Variants in STKLD1 observed in about 807,000 individuals in gnomAD.
STKLD1 encodes the protein serine/threonine kinase-like domain-containing protein STKLD1.
A neutral mutation model predicts 80.4 loss-of-function variants in STKLD1; 79 were observed. That is an observed-to-expected ratio of 0.98 (90% confidence interval 0.82 to 1.19). The LOEUF (loss-of-function observed/expected upper bound fraction) is 1.19, where lower values mean the gene tolerates loss of function less well. Ranked by LOEUF, STKLD1 falls within the 50% of genes most tolerant of loss-of-function variation. The pLI is 0.00. For missense variants in STKLD1, 841 were observed against 856.0 expected (o/e 0.98, Z 0.22); for synonymous variants, 393 against 357.6 (o/e 1.10, Z -1.12).
In STKLD1 at chr9:133,398,000, C is replaced by G; in HGVS notation, c.1026C>G (p.Pro342=). 1 of 1,613,564 alleles carries G rather than the reference C, an allele frequency of 6.2e-7. No individual in the cohort carries two copies. Among genetic ancestry groups the G allele is most frequent in the Non-Finnish European group, 8.5e-7 (1 of 1,179,864 alleles). ...TCATGCAGAAATTCTCTGGCTGGCC[C>G]GAAGTCCAGCTCAGGGCCATGAAGA... The part of the protein sequence containing the change: ...LEVMQKFSGW[P]EVQLRAMKRL... The change falls in exon 11 of 18, where the codon CCC becomes CCG. Residue 342 remains proline (P), a synonymous_variant. Transcript: ENST00000371957.
chr9:133,403,020 G>A lies in STKLD1; in HGVS notation c.1474+8G>A, dbSNP rs781999417. On this transcript the variant is annotated splice_region_variant and intron_variant, in intron 14 of 17. Coordinates refer to ENST00000371957, the MANE Select transcript of STKLD1 (RefSeq NM_153710.5). ...GGGCCCTCCTGCTGGACGGTGAGGG[G>A]CCCTCCTCCTGCTGTCCCACCGGGG... is the stretch of plus-strand genomic sequence containing the variant. 30 of 1,559,810 alleles carry A rather than the reference G, an allele frequency of 1.9e-5. No individual in the cohort carries two copies. Among genetic ancestry groups the A allele is most frequent in the Admixed American group, 3.7e-5 (2 of 53,790 alleles).
intron 12 of STKLD1, 83 bp from the exon 13 acceptor site, chr9:133,401,655 C>T (rs977336663): frequency 6.8e-6 from 10 of 1,479,292 alleles, no homozygotes; most frequent in African/African-American, 1.4e-5. Context: ...GAGATGCTAT[C>T]CCCCAGCCTG....
chr9:133,389,617 C>G lies in STKLD1; in HGVS notation c.467+21C>G. The G allele has an allele frequency of 6.2e-7, 1 of 1,613,090 alleles. No homozygotes were observed. Among genetic ancestry groups the G allele is most frequent in the Admixed American group, 1.7e-5 (1 of 59,978 alleles). ...CACAGGTAAGTGGGGCCCCTGACCT[C>G]TGCGGACTGGCTGGCTGCTTCGGGA... On this transcript the variant is annotated intron_variant, in intron 6 of 17. Coordinates refer to ENST00000371957, the MANE Select transcript of STKLD1 (RefSeq NM_153710.5). The surrounding 1 kb of genome is among the most constrained non-coding windows in gnomAD (Gnocchi z 6.4).
In STKLD1 at chr9:133,385,323, G is replaced by T. The variant is rs1838239195; in HGVS notation, c.220-294G>T. Among the ~76,000 whole-genome samples, 1 of 152,150 alleles carries T rather than the reference G, an allele frequency of 6.6e-6. No homozygotes were observed. Among genetic ancestry groups the T allele is most frequent in the Non-Finnish European group, 1.5e-5 (1 of 68,006 alleles). The stretch of plus-strand genomic sequence containing the variant: ...GATCCCCACCTTCCTGGCACTGCCT[G>T]CCACAGCTCACTCACCCCCCATGGT... On this transcript the variant is annotated intron_variant, in intron 3 of 17. Transcript: ENST00000371957. This position sits in a 1 kb window ranked among gnomAD's most constrained non-coding sequence, Gnocchi z 4.9.
At chr9:133,396,380 G>C (rs2130676674) in intron 9 of STKLD1, among the ~76,000 whole-genome samples, 1 of 152,278 alleles carries the variant, frequency 6.6e-6, no homozygotes, top group African/African-American at 2.4e-5. Context: ...GGTTGTTGCA[G>C]TGAGCTGAGA....
chr9:133,390,552 G>A lies in STKLD1; in HGVS notation c.468-129G>A. On this transcript the variant is annotated intron_variant, in intron 6 of 17. Coordinates refer to ENST00000371957, the MANE Select transcript of STKLD1 (RefSeq NM_153710.5). The surrounding 1 kb of genome is among the most constrained non-coding windows in gnomAD (Gnocchi z 5.1). ...GGAGAGGAGGATGTGGGCTGCTGCT[G>A]CAGAACCAGGTGGGGCAGGGAGCAG... The A allele has an allele frequency of 4.4e-6, 3 of 683,994 alleles. No individual in the cohort carries two copies. The highest frequency in any genetic ancestry group is 2.3e-5 in the Admixed American group (1 of 43,994). The allele number at this position is 683,994 out of a possible 1,614,324, so 42.4% of individuals were successfully genotyped here.
rs909990153 is a variant in STKLD1, at chr9:133,390,600, C to T, written c.468-81C>T. 19 of 1,009,332 alleles carry T rather than the reference C, an allele frequency of 1.9e-5. No homozygotes were observed. The highest frequency in any genetic ancestry group is 2.8e-5 in the Non-Finnish European group (18 of 638,654). The allele number at this position is 1,009,332 out of a possible 1,614,324, so 62.5% of individuals were successfully genotyped here. Reference sequence around the variant, plus strand: ...CAGAGAGTCAGGCTCAGCACACACACTGGTCCCACCTGGGGTTGTGGGTGG... The same window carrying T: ...CAGAGAGTCAGGCTCAGCACACACATTGGTCCCACCTGGGGTTGTGGGTGG... On this transcript the variant is annotated intron_variant, in intron 6 of 17. Transcript: ENST00000371957. The surrounding 1 kb of genome is among the most constrained non-coding windows in gnomAD (Gnocchi z 5.1).
chr9:133,376,478 T>C lies in STKLD1; in HGVS notation c.5T>C (p.Leu2Pro). 1 of 1,588,976 alleles carries C rather than the reference T, an allele frequency of 6.3e-7. No homozygotes were observed. The highest frequency in any genetic ancestry group is 8.5e-7 in the Non-Finnish European group (1 of 1,169,978). Residue 2 changes from leucine (L) to proline (P), a missense_variant, in exon 1 of 18, where the codon CTT (leucine) becomes CCT (proline). Leu to Pro is a moderately conservative substitution (Grantham distance 98, BLOSUM62 -3). Coordinates refer to ENST00000371957, the MANE Select transcript of STKLD1 (RefSeq NM_153710.5). MLGPGSNRRRPT... is the reference protein window; with the variant it reads MPGPGSNRRRPT... The stretch of plus-strand genomic sequence containing the variant: ...CGTACGCGGTCGCTACTGATCATGC[T>C]TGGGCCAGGGTCCAATCGCAGGCGC...
In STKLD1 at chr9:133,389,835, C is replaced by G. The variant is rs2130285231; in HGVS notation, c.467+239C>G. Among the ~76,000 whole-genome samples, 12 of 152,314 alleles carry G rather than the reference C, an allele frequency of 7.9e-5. No individual in the cohort carries two copies. Among genetic ancestry groups the G allele is most frequent in the Admixed American group, 5.2e-4 (8 of 15,298 alleles). The stretch of plus-strand genomic sequence containing the variant: ...ATGGGGTGTGCGCTAGCCAGGCGGG[C>G]TGCTCTAGAGTTCGTGGAAAGGAAG... On this transcript the variant is annotated intron_variant, in intron 6 of 17. Transcript: ENST00000371957. The surrounding 1 kb of genome is among the most constrained non-coding windows in gnomAD (Gnocchi z 6.4).
At chr9:133,387,725 C>T (rs1838296238) in intron 5 of STKLD1, 177 bp downstream of exon 5, 3 of 692,502 alleles carry the variant, frequency 4.3e-6, no homozygotes, top group African/African-American at 1.8e-5. Flanking sequence ...CTTAAGTGCA[C>T]AGTTTGATGC....
Position 133,383,772 on chromosome 9 carries a change from G to A in STKLD1, c.175-84G>A, listed in dbSNP as rs1056103117. The stretch of plus-strand genomic sequence containing the variant: ...TGGTGGCTGTGCAGATGATGGTAAT[G>A]GTCGTTGTGGTGGTGGTGATGGCGG... On this transcript the variant is annotated intron_variant, in intron 2 of 17. Transcript: ENST00000371957. 62 of 1,317,930 alleles carry A rather than the reference G, an allele frequency of 4.7e-5. No homozygotes were observed. In the Admixed American group the frequency reaches 8.2e-4, roughly 18 times the overall value. 81.6% of individuals were successfully genotyped at this position (1,317,930 alleles called of 1,614,324 possible).
chr9:133,388,659 C>T, intron 5 of STKLD1: 1 of 802,512 alleles, frequency 1.2e-6, no homozygotes, highest in Non-Finnish European at 1.5e-6. Flanking sequence ...AGAAGCATTT[C>T]CTGCTCCAAG....
Position 133,405,273 on chromosome 9 carries a change from T to C in STKLD1, c.1895T>C (p.Val632Ala), listed in dbSNP as rs1838823391. 3 of 1,609,734 alleles carry C rather than the reference T, an allele frequency of 1.9e-6. No individual in the cohort carries two copies. Among genetic ancestry groups the C allele is most frequent in the Admixed American group, 1.7e-5 (1 of 59,616 alleles). Reference protein sequence around the residue: ...ASYEEILPELVSSSMKALLQE... With the variant: ...ASYEEILPELASSSMKALLQE... Reference sequence around the variant, plus strand: ...GCAGAGGAGATCCTGCCGGAGCTGGTGTCCAGTAGTATGAAGGCCCTGCTC... The same window carrying C: ...GCAGAGGAGATCCTGCCGGAGCTGGCGTCCAGTAGTATGAAGGCCCTGCTC... The change falls in exon 18 of 18, where the codon GTG (valine) becomes GCG (alanine). Residue 632 changes from valine to alanine, a missense_variant. Physicochemically the swap from Val to Ala is moderately conservative, Grantham distance 64. Transcript: ENST00000371957.
intron 11 of STKLD1, among the ~76,000 whole-genome samples, chr9:133,398,781 C>A (rs1554777093): frequency 2.0e-5 from 3 of 152,142 alleles, no homozygotes; most frequent in African/African-American, 7.2e-5. Flanking sequence ...AAAACAAAAC[C>A]AAACCCAAAA....
intron 11 of STKLD1, among the ~76,000 whole-genome samples, chr9:133,399,162 A>C (rs1838633141): frequency 6.6e-6 from 1 of 152,298 alleles, no homozygotes; most frequent in South Asian, 2.1e-4. Flanking sequence ...CCAATTTTTA[A>C]AACATTTGTG....
rs1170868391 is a variant in STKLD1 at position 133,385,922 on chromosome 9, G to A, written c.294+231G>A. Among the ~76,000 whole-genome samples the A allele has an allele frequency of 1.4e-5, 2 of 143,482 alleles. No homozygotes were observed. Among genetic ancestry groups the A allele is most frequent in the Admixed American group, 1.4e-4 (2 of 14,310 alleles). 94.1% of individuals were successfully genotyped at this position (143,482 alleles called of 152,430 possible). ...CCCCAAAAACCTCATCGTCAGGAGA[G>A]TTTTTTTTTTTTTTGGACAAAGTCT... On this transcript the variant is annotated intron_variant, in intron 4 of 17. Transcript: ENST00000371957. This position sits in a 1 kb window ranked among gnomAD's most constrained non-coding sequence, Gnocchi z 4.9.
At chr9:133,383,330 T>A (rs1838190284) in intron 2 of STKLD1, among the ~76,000 whole-genome samples, 1,055 of 13,628 alleles carry the variant, frequency 0.077, 1 homozygote, top group Middle Eastern at 0.21. Context: ...ATGATGGTGG[T>A]GATGGTGATG....
chr9:133,403,857 G>A (rs1554778182), intron 15 of STKLD1, 29 bp downstream of exon 15: 1 of 1,612,196 alleles, frequency 6.2e-7, no homozygotes. Flanking sequence ...CTGGGCCCCT[G>A]GGGCTGGGAG....
At chr9:133,383,397 GA>G (rs1838194690) in intron 2 of STKLD1, among the ~76,000 whole-genome samples, 1 of 8,060 alleles carries the variant, frequency 1.2e-4, no homozygotes, top group Non-Finnish European at 3.0e-4. Flanking sequence ...TAATGATGGT[GA>G]TGATATATGA....
Sources: allele counts gnomAD v4.1 joint callset (sites outside exome capture counted in the v4.1 genomes callset), GRCh38; gene constraint gnomAD v4.1.1; non-coding constraint Gnocchi (gnomAD v3.1); transcripts MANE v1.5; gene names NCBI Gene and HGNC (gene_info 2026-07-23, HGNC 2026-07-21).